DAB2IP: variants seen among roughly 807,000 people sequenced by gnomAD.
The protein encoded by DAB2IP is DAB2 interacting protein, also known as disabled homolog 2-interacting protein.
In DAB2IP, 28 loss-of-function variants were observed where a neutral mutation model predicts 107.2. The observed-to-expected ratio is 0.26, with a 90% CI of 0.19 to 0.36. The LOEUF is 0.36. DAB2IP is among the 10% of genes least tolerant of loss of function. DAB2IP has a pLI of 1.00. For synonymous variants in DAB2IP, 755 were observed against 706.4 expected, an observed-to-expected ratio of 1.07 and a Z score of -1.09; for missense variants, 1,400 against 1,644.7, an observed-to-expected ratio of 0.85 and a Z score of 2.57.
chr9:121,704,153 A>G (rs1209373886), intron 3 of DAB2IP, among the ~76,000 whole-genome samples: 2 of 152,326 alleles, frequency 1.3e-5, no homozygotes, highest in South Asian at 2.1e-4. Context: ...ATCTTTGCCT[A>G]CATTTCTGAT....
At chr9:121,717,528 G>A (rs983479795) in intron 3 of DAB2IP, among the ~76,000 whole-genome samples, 4 of 152,206 alleles carry the variant, frequency 2.6e-5, no homozygotes, top group African/African-American at 4.8e-5. Context: ...TTTATCACAC[G>A]GTGTGTAATT....
At chr9:121,705,608 C>T (rs933673789) in intron 3 of DAB2IP, among the ~76,000 whole-genome samples, 3 of 152,232 alleles carry the variant, frequency 2.0e-5, no homozygotes, top group African/African-American at 7.2e-5. Flanking sequence ...CACGTGCATA[C>T]TTGTGTGCAT....
At chr9:121,758,359 C>G (rs1833640979) in intron 4 of DAB2IP, among the ~76,000 whole-genome samples, 1 of 152,184 alleles carries the variant, frequency 6.6e-6, no homozygotes, top group Non-Finnish European at 1.5e-5. Flanking sequence ...AGTCTCATTT[C>G]TCCAGTCTGG....
intron 6 of DAB2IP, among the ~76,000 whole-genome samples, chr9:121,762,422 C>T (rs1336960865): frequency 1.3e-5 from 2 of 152,136 alleles, no homozygotes; most frequent in Non-Finnish European, 2.9e-5. Context: ...GAGAATGAGA[C>T]CCTGGAGGTC....
intron 1 of DAB2IP, among the ~76,000 whole-genome samples, chr9:121,577,805 C>G (rs771273990): frequency 2.0e-5 from 3 of 152,152 alleles, no homozygotes; most frequent in Non-Finnish European, 4.4e-5. Context: ...AACAACAGCC[C>G]GAGGCAGCCA....
intron 3 of DAB2IP, among the ~76,000 whole-genome samples, chr9:121,750,314 C>G (rs1300416344): frequency 6.6e-6 from 1 of 152,036 alleles, no homozygotes; most frequent in African/African-American, 2.4e-5. Flanking sequence ...GTAGCATTCA[C>G]TTGTGTGCGC....
chr9:121,658,984 G>A (rs1052561328), intron 1 of DAB2IP, among the ~76,000 whole-genome samples: 2 of 152,246 alleles, frequency 1.3e-5, no homozygotes, highest in African/African-American at 2.4e-5. Context: ...AGACAGGAGA[G>A]TACTATCGGC....
intron 3 of DAB2IP, among the ~76,000 whole-genome samples, chr9:121,738,757 T>C (rs1396778748): frequency 2.0e-5 from 3 of 152,222 alleles, no homozygotes; most frequent in Non-Finnish European, 4.4e-5. Context: ...TCTCAGGGTT[T>C]GGGGTTTGGT....
chr9:121,658,276 G>A (rs571980715), intron 1 of DAB2IP, among the ~76,000 whole-genome samples: 4 of 152,338 alleles, frequency 2.6e-5, no homozygotes, highest in Admixed American at 1.3e-4. Context: ...TTGGTTAAAT[G>A]TCAGGAAAGG....
At chr9:121,586,081 A>G (rs1830305847) in intron 1 of DAB2IP, among the ~76,000 whole-genome samples, 1 of 152,166 alleles carries the variant, frequency 6.6e-6, no homozygotes, top group Admixed American at 6.5e-5. Flanking sequence ...GGTGATAAAG[A>G]AGTAACTTCA....
At chr9:121,647,882 G>A (rs1369435280), upstream of DAB2IP, among the ~76,000 whole-genome samples, 1 of 148,666 alleles carries the variant, frequency 6.7e-6, no homozygotes, top group African/African-American at 2.5e-5. Context: ...TATATATACG[G>A]GTATATATGT....
chr9:121,621,025 G>C (rs1409881487), intron 1 of DAB2IP, among the ~76,000 whole-genome samples: 2 of 152,148 alleles, frequency 1.3e-5, no homozygotes, highest in Non-Finnish European at 2.9e-5. Context: ...TCCTCTTTGA[G>C]GGGAAGACCG....
At chr9:121,768,391 G>A in intron 9 of DAB2IP, 41 bp from the exon 10 acceptor site, 1 of 1,609,148 alleles carries the variant, frequency 6.2e-7, no homozygotes, top group South Asian at 1.1e-5. Flanking sequence ...GGCAGGGCCT[G>A]CCTGGGCCCA....
At chr9:121,770,005 C>T (rs1334904677) in intron 10 of DAB2IP, among the ~76,000 whole-genome samples, 1 of 152,280 alleles carries the variant, frequency 6.6e-6, no homozygotes, top group African/African-American at 2.4e-5. Flanking sequence ...CTAGAATCCT[C>T]TGCCCCTTAA....
chr9:121,757,992 C>G (rs1040023514), intron 4 of DAB2IP, among the ~76,000 whole-genome samples: 1 of 152,262 alleles, frequency 6.6e-6, no homozygotes, highest in African/African-American at 2.4e-5. Context: ...GCCCCATACC[C>G]TGTGCCCACT....
At chr9:121,624,674 A>C (rs984038470) in intron 1 of DAB2IP, among the ~76,000 whole-genome samples, 1 of 152,228 alleles carries the variant, frequency 6.6e-6, no homozygotes, top group African/African-American at 2.4e-5. Flanking sequence ...CAGGCTACCC[A>C]CCATCTAGCC....
intron 3 of DAB2IP, among the ~76,000 whole-genome samples, chr9:121,755,250 G>T (rs78737808): frequency 0.018 from 2,738 of 152,050 alleles, 73 homozygotes; most frequent in African/African-American, 0.062. Context: ...GTGGTGTGGC[G>T]GTGTGGCGTG....
chr9:121,598,929 T>C (rs1398405133), intron 1 of DAB2IP, among the ~76,000 whole-genome samples: 1 of 152,058 alleles, frequency 6.6e-6, no homozygotes, highest in Non-Finnish European at 1.5e-5. Flanking sequence ...CTGAAGCGGG[T>C]CGCAGACGTT....
chr9:121,685,074 GA>G (rs1449430672), intron 2 of DAB2IP, among the ~76,000 whole-genome samples: 1 of 152,172 alleles, frequency 6.6e-6, no homozygotes, highest in Non-Finnish European at 1.5e-5. Context: ...TCAGTCTCCT[GA>G]CCCAGCATCC....
Sources: gnomAD v4.1 joint callset for allele counts (sites outside exome capture counted in the v4.1 genomes callset) on GRCh38, gnomAD v4.1.1 for gene constraint, MANE v1.5 for transcripts, NCBI Gene and HGNC (gene_info 2026-07-23, HGNC 2026-07-21) for gene names.